NDUFA10: variants seen among roughly 807,000 people sequenced by gnomAD.
The protein encoded by NDUFA10 is NADH dehydrogenase [ubiquinone] 1 alpha subcomplex subunit 10, mitochondrial.
NDUFA10 carries 40 observed loss-of-function variants against 47.8 expected under a neutral mutation model. The ratio of observed to expected loss-of-function variants is 0.84; its 90% confidence interval spans 0.65 to 1.09. NDUFA10 has a LOEUF of 1.09. NDUFA10 is among the 50% of genes least tolerant of loss of function. The pLI, the probability that NDUFA10 is intolerant of heterozygous loss-of-function variation, is 0.00. For synonymous variants in NDUFA10, 183 were observed against 172.2 expected (o/e 1.06, Z -0.49); for missense variants, 413 against 451.1 (o/e 0.92, Z 0.76).
intron 8 of NDUFA10, among the ~76,000 whole-genome samples, chr2:239,996,935 T>C (rs566592109): frequency 6.6e-6 from 1 of 152,248 alleles, no homozygotes; most frequent in South Asian, 2.1e-4. Context: ...AAATCATCTC[T>C]AGAGTATGTA....
chr2:240,025,164 T>TGGCCCCCCCCCCC, intron 1 of NDUFA10, 63 bp downstream of exon 1: 1 of 594,916 alleles, frequency 1.7e-6, no homozygotes, highest in Non-Finnish European at 2.7e-6. Context: ...GTGGAACTGC[T>TGGCCCCCCCCCCC]CCCCACCCCG....
chr2:239,936,130 C>T (rs926537240), intron 4 of NDUFA10, among the ~76,000 whole-genome samples: 1 of 152,210 alleles, frequency 6.6e-6, no homozygotes, highest in African/African-American at 2.4e-5. Flanking sequence ...CAAGAGCACT[C>T]ATGAGGGTGC....
At position 239,928,515 on chromosome 2, in the gene NDUFA10, A is replaced by C. The variant is rs954356506; in HGVS notation, c.295-33201T>G. On this transcript the variant is annotated intron_variant, in intron 4 of 5. Transcript: ENST00000419408. This position sits in a 1 kb window ranked among gnomAD's most constrained non-coding sequence, Gnocchi z 4.3. The stretch of plus-strand genomic sequence containing the variant: ...ACGCCAGACTCCTCGGCCCTGGCCC[A>C]CCGCGAGCCGCTGCTGGGTTTAATG... Among the ~76,000 whole-genome samples, 3 of 152,102 alleles carry C rather than the reference A, an allele frequency of 2.0e-5. No homozygotes were observed. Among genetic ancestry groups the C allele is most frequent in the African/African-American group, 7.2e-5 (3 of 41,428 alleles).
intron 6 of NDUFA10, among the ~76,000 whole-genome samples, chr2:240,008,471 G>A (rs1029764400): frequency 4.6e-5 from 7 of 152,214 alleles, no homozygotes; most frequent in Non-Finnish European, 1.0e-4. Context: ...TTGTTAATAC[G>A]AAGAGAAAGG....
At chr2:239,931,234 T>C (rs1191595397) in intron 4 of NDUFA10, among the ~76,000 whole-genome samples, 1 of 152,172 alleles carries the variant, frequency 6.6e-6, no homozygotes, top group Non-Finnish European at 1.5e-5. Flanking sequence ...AATCAAGGTG[T>C]CTGCAGGGCT....
intron 8 of NDUFA10, among the ~76,000 whole-genome samples, chr2:239,999,653 A>G (rs1696625495): frequency 6.6e-6 from 1 of 152,092 alleles, no homozygotes; most frequent in Admixed American, 6.5e-5. Flanking sequence ...CTCTTTATCA[A>G]TGGTTCCTTT....
chr2:239,915,082 CAG>C (rs1693830926), intron 4 of NDUFA10, among the ~76,000 whole-genome samples: 1 of 143,580 alleles, frequency 7.0e-6, no homozygotes, highest in Non-Finnish European at 1.5e-5. Flanking sequence ...CAGACACACA[CAG>C]AGACAGAGAT....
chr2:239,993,500 T>C (rs1371639128), intron 8 of NDUFA10, among the ~76,000 whole-genome samples: 1 of 152,216 alleles, frequency 6.6e-6, no homozygotes, highest in Non-Finnish European at 1.5e-5. Context: ...CCTGGTATCC[T>C]GGTAGAAGAC....
chr2:239,905,989 G>A (rs1041134275), intron 4 of NDUFA10, among the ~76,000 whole-genome samples: 7 of 152,088 alleles, frequency 4.6e-5, no homozygotes, highest in Non-Finnish European at 8.8e-5. Context: ...TCCCATGCGC[G>A]GGAGGCCTGG....
intron 4 of NDUFA10, among the ~76,000 whole-genome samples, chr2:239,944,512 G>A (rs1574796056): frequency 6.6e-6 from 1 of 152,208 alleles, no homozygotes; most frequent in African/African-American, 2.4e-5. Context: ...ACCTTTCCAT[G>A]TGAATTCAGG....
At chr2:239,915,844 C>G (rs1290675180) in intron 4 of NDUFA10, among the ~76,000 whole-genome samples, 1 of 150,640 alleles carries the variant, frequency 6.6e-6, no homozygotes, top group Non-Finnish European at 1.5e-5. Flanking sequence ...ACACAGAACA[C>G]ACACATACAC....
intron 1 of NDUFA10, 99 bp downstream of exon 1, chr2:240,025,128 A>C: frequency 8.4e-7 from 1 of 1,191,538 alleles, no homozygotes; most frequent in Non-Finnish European, 1.1e-6. Flanking sequence ...GCGACCTGGG[A>C]GCCGCCGCCA....
At chr2:239,896,938 A>G (rs1346421463) in intron 4 of NDUFA10, among the ~76,000 whole-genome samples, 7 of 152,254 alleles carry the variant, frequency 4.6e-5, no homozygotes, top group African/African-American at 1.7e-4. Context: ...TAAATGTTCT[A>G]TAACAGAAAG....
chr2:239,908,949 G>A (rs953596368), intron 4 of NDUFA10, among the ~76,000 whole-genome samples: 7 of 152,174 alleles, frequency 4.6e-5, no homozygotes, highest in South Asian at 2.1e-4. Context: ...CCCAGCTCCC[G>A]CATCCCCTCT....
intron 8 of NDUFA10, among the ~76,000 whole-genome samples, chr2:240,002,475 A>G (rs1243178257): frequency 2.0e-5 from 3 of 152,136 alleles, no homozygotes; most frequent in African/African-American, 7.2e-5. Flanking sequence ...GATTAACACC[A>G]TTTTATACAG....
intron 6 of NDUFA10, among the ~76,000 whole-genome samples, chr2:240,011,307 T>C (rs946450765): frequency 8.5e-5 from 13 of 152,142 alleles, no homozygotes; most frequent in Non-Finnish European, 1.9e-4. Flanking sequence ...GAAGTAAAAA[T>C]ACACAAGTTC....
At chr2:239,898,232 AAGG>A (rs1265741551) in intron 4 of NDUFA10, among the ~76,000 whole-genome samples, 1 of 152,200 alleles carries the variant, frequency 6.6e-6, no homozygotes, top group African/African-American at 2.4e-5. Context: ...TGTTTATACC[AAGG>A]AGGTTATAAA....
At chr2:239,929,986 CCAGTCCTGCTTCTCA>C in intron 4 of NDUFA10, among the ~76,000 whole-genome samples, 1 of 131,844 alleles carries the variant, frequency 7.6e-6, no homozygotes, top group African/African-American at 3.0e-5. Context: ...TGCTCCTCAG[CCAGTCCTGCTTCTCA>C]ACTGCCCCTG....
chr2:239,911,482 A>G (rs1046995100), intron 4 of NDUFA10, among the ~76,000 whole-genome samples: 1 of 152,068 alleles, frequency 6.6e-6, no homozygotes, highest in Admixed American at 6.5e-5. Context: ...TGAGAGGTAC[A>G]TCCTCCAGCC....
Sources: allele counts gnomAD v4.1 joint callset (sites outside exome capture counted in the v4.1 genomes callset), GRCh38; gene constraint gnomAD v4.1.1; non-coding constraint Gnocchi (gnomAD v3.1); transcripts MANE v1.5; gene names NCBI Gene and HGNC (gene_info 2026-07-23, HGNC 2026-07-21).